The following MACROD2 variants were observed in gnomAD, a reference collection of about 807,000 sequenced individuals.
MACROD2 encodes the protein mono-ADP ribosylhydrolase 2.
A neutral mutation model predicts 70.4 loss-of-function variants in MACROD2; 36 were observed. The ratio of observed to expected loss-of-function variants is 0.51; its 90% CI spans 0.39 to 0.68. The LOEUF (loss-of-function observed/expected upper bound fraction) is 0.68. MACROD2 is among the 30% of genes least tolerant of loss of function. The probability of loss-of-function intolerance (pLI) is 0.00; values close to 1 mark genes in which losing one functional copy is unlikely to be tolerated. For missense variants in MACROD2, 496 were observed against 538.4 expected (o/e 0.92, Z 0.78); for synonymous variants, 172 against 178.8 (o/e 0.96, Z 0.30).
chr20:14,615,658 G>C (rs1983437247), intron 4 of MACROD2, among the ~76,000 whole-genome samples: 1 of 152,062 alleles, frequency 6.6e-6, no homozygotes, highest in Admixed American at 6.6e-5. Flanking sequence ...GGCATAATTT[G>C]GTTGACTTTC....
intron 8 of MACROD2, among the ~76,000 whole-genome samples, chr20:15,607,301 C>T (rs899702130): frequency 1.1e-4 from 17 of 152,280 alleles, no homozygotes; most frequent in African/African-American, 2.9e-4. Flanking sequence ...TATAATTTGG[C>T]GTATTCATGA....
intron 13 of MACROD2, among the ~76,000 whole-genome samples, chr20:15,977,920 A>G (rs1170566834): frequency 2.0e-5 from 3 of 152,238 alleles, no homozygotes; most frequent in African/African-American, 7.2e-5. Context: ...ATGATTCTTG[A>G]AAGCAGAACT....
chr20:14,440,513 G>A (rs1045715576), intron 3 of MACROD2, among the ~76,000 whole-genome samples: 2 of 152,100 alleles, frequency 1.3e-5, no homozygotes, highest in African/African-American at 4.8e-5. Flanking sequence ...AATAGAAATT[G>A]GCTATTAAAA....
intron 10 of MACROD2, among the ~76,000 whole-genome samples, chr20:15,897,944 A>G (rs2064998851): frequency 6.6e-6 from 1 of 152,144 alleles, no homozygotes; most frequent in African/African-American, 2.4e-5. Context: ...TTAAGAGCTC[A>G]TTTATTTACA....
intron 8 of MACROD2, among the ~76,000 whole-genome samples, chr20:15,665,351 T>C (rs531438023): frequency 6.6e-6 from 1 of 152,310 alleles, no homozygotes; most frequent in East Asian, 1.9e-4. Context: ...TTGACGTGCG[T>C]GGATTCCTAT....
chr20:15,403,059 T>G (rs1264935599), intron 6 of MACROD2, among the ~76,000 whole-genome samples: 2 of 152,134 alleles, frequency 1.3e-5, no homozygotes, highest in East Asian at 3.9e-4. Context: ...CTCCACCTCC[T>G]GGGTTCAAGC....
intron 8 of MACROD2, among the ~76,000 whole-genome samples, chr20:15,845,826 T>G (rs1045346074): frequency 1.3e-5 from 2 of 152,198 alleles, no homozygotes; most frequent in African/African-American, 4.8e-5. Flanking sequence ...TTAGCCCTAT[T>G]TAACTAATGA....
At chr20:14,004,439 A>G (rs1601100606) in intron 2 of MACROD2, among the ~76,000 whole-genome samples, 2 of 151,972 alleles carry the variant, frequency 1.3e-5, no homozygotes, top group South Asian at 2.1e-4. Flanking sequence ...TTATATTTCT[A>G]TTTTTCCTGA....
intron 4 of MACROD2, among the ~76,000 whole-genome samples, chr20:14,507,177 A>G (rs2084978063): frequency 6.6e-6 from 1 of 152,084 alleles, no homozygotes; most frequent in South Asian, 2.1e-4. Flanking sequence ...GGAAGATGGA[A>G]AAAGTTCTGG....
chr20:14,650,981 T>A (rs948944588), intron 4 of MACROD2, among the ~76,000 whole-genome samples: 3 of 152,038 alleles, frequency 2.0e-5, no homozygotes, highest in African/African-American at 7.2e-5. Context: ...AATAGATCAA[T>A]GAAAGGGAGT....
chr20:14,565,243 A>G (rs560388916), intron 4 of MACROD2, among the ~76,000 whole-genome samples: 1 of 152,000 alleles, frequency 6.6e-6, no homozygotes, highest in African/African-American at 2.4e-5. Context: ...ATTGGGTACA[A>G]TGTGCACTAT....
intron 8 of MACROD2, among the ~76,000 whole-genome samples, chr20:15,584,695 G>T (rs1456647250): frequency 6.6e-6 from 1 of 152,174 alleles, no homozygotes; most frequent in African/African-American, 2.4e-5. Context: ...CCCACAGGGG[G>T]CACTGGTACC....
intron 3 of MACROD2, among the ~76,000 whole-genome samples, chr20:14,414,230 C>A (rs6079421): frequency 0.32 from 48,439 of 152,056 alleles, 7,937 homozygotes; most frequent in Admixed American, 0.4. Flanking sequence ...CTTCTGGCCC[C>A]CTGACCTGCT....
intron 8 of MACROD2, among the ~76,000 whole-genome samples, chr20:15,857,108 G>A (rs956611771): frequency 6.6e-6 from 1 of 152,164 alleles, no homozygotes; most frequent in Admixed American, 6.5e-5. Flanking sequence ...TGGATTTATT[G>A]CAGGGATTAG....
intron 3 of MACROD2, among the ~76,000 whole-genome samples, chr20:14,177,827 T>C (rs1429390476): frequency 6.6e-6 from 1 of 152,172 alleles, no homozygotes; most frequent in African/African-American, 2.4e-5. Flanking sequence ...AGATATTTTA[T>C]ACCATGTCTT....
intron 3 of MACROD2, among the ~76,000 whole-genome samples, chr20:14,432,008 A>T (rs1344157522): frequency 6.6e-6 from 1 of 152,204 alleles, no homozygotes; most frequent in Non-Finnish European, 1.5e-5. Flanking sequence ...CTGTTGTAAG[A>T]GAAAATTATT....
chr20:15,986,606 G>A lies in MACROD2; in HGVS notation c.986-121G>A, dbSNP rs2066486577. 12 of 528,444 alleles carry A rather than the reference G, an allele frequency of 2.3e-5. No individual in the cohort carries two copies. The South Asian group carries it at 4.8e-4, about 21-fold the overall frequency. The allele number at this position is 528,444 out of a possible 1,614,324, so 32.7% of individuals were successfully genotyped here. A position where few individuals can be genotyped will look rare whatever the true frequency, so the allele number is the denominator to read the frequency against. Reference sequence around the variant, plus strand: ...TAGAAAAATTGTATCTTTGCCCTTTGGTTTCAAAACTGTTCTCTATCTCTC... The same window carrying A: ...TAGAAAAATTGTATCTTTGCCCTTTAGTTTCAAAACTGTTCTCTATCTCTC... On this transcript the variant is annotated intron_variant, in intron 13 of 17. Coordinates refer to ENST00000684519, the MANE Select transcript of MACROD2 (RefSeq NM_001351661.2).
chr20:14,552,629 G>A (rs533965432), intron 4 of MACROD2, among the ~76,000 whole-genome samples: 4 of 152,000 alleles, frequency 2.6e-5, no homozygotes, highest in African/African-American at 9.6e-5. Flanking sequence ...AGCCTAGATG[G>A]GATAGCCTAC....
intron 2 of MACROD2, among the ~76,000 whole-genome samples, chr20:14,039,945 A>C (rs1032526914): frequency 6.6e-6 from 1 of 152,166 alleles, no homozygotes; most frequent in African/African-American, 2.4e-5. Flanking sequence ...AACATTGTAG[A>C]GTGACATAAA....
Sources: allele counts gnomAD v4.1 joint callset (sites outside exome capture counted in the v4.1 genomes callset), GRCh38; gene constraint gnomAD v4.1.1; transcripts MANE v1.5; gene names NCBI Gene and HGNC (gene_info 2026-07-23, HGNC 2026-07-21).